The following CEP85 variants were observed in gnomAD, a reference collection of about 807,000 sequenced individuals.
CEP85 encodes the protein centrosomal protein 85, also known as centrosomal protein of 85 kDa.
Under a neutral mutation model 93.7 loss-of-function variants are expected in CEP85, and 58 were observed. The observed-to-expected ratio is 0.62, with a 90% CI of 0.50 to 0.77. CEP85 has a LOEUF of 0.77. Ranked by LOEUF, CEP85 falls within the 30% of genes least tolerant of loss-of-function variation. CEP85 has a pLI of 0.00. For synonymous variants in CEP85, 314 were observed against 338.6 expected (o/e 0.93, Z 0.80); for missense variants, 868 against 922.0 (o/e 0.94, Z 0.76).
At chr1:26,272,320 G>C (rs926569484) in intron 11 of CEP85, 16 of 489,736 alleles carry the variant, frequency 3.3e-5, no homozygotes, top group Non-Finnish European at 5.1e-5. Flanking sequence ...GGGAGGAAGG[G>C]AGGTAAAAGA....
At chr1:26,277,030 C>A in intron 13 of CEP85, 106 bp from the exon 14 acceptor site, 1 of 1,201,848 alleles carries the variant, frequency 8.3e-7, no homozygotes. Flanking sequence ...TTTTAAAGTG[C>A]ATGTCCCAAG....
chr1:26,270,066 G>A (rs189920340), intron 9 of CEP85, among the ~76,000 whole-genome samples: 60 of 152,150 alleles, frequency 3.9e-4, no homozygotes, highest in African/African-American at 1.3e-3. Context: ...GTGAGCCACC[G>A]CGCCCGGCCA....
Position 26,255,149 on chromosome 1 carries a change from T to G in CEP85, c.209-22T>G, listed in dbSNP as rs758690112. 3 of 1,595,990 alleles carry G rather than the reference T, an allele frequency of 1.9e-6. No individual in the cohort carries two copies. In the African/African-American group the frequency reaches 4.0e-5, roughly 21 times the overall value. ...AGCTTGCTACTTCAATTTTTACTTA[T>G]GGAAGACTATTCTCTCCCCAGATTT... is the stretch of plus-strand genomic sequence containing the variant. On this transcript the variant is annotated intron_variant, in intron 3 of 13. Transcript: ENST00000451429.
chr1:26,262,965 G>A (rs1024353700), intron 7 of CEP85: 1 of 153,104 alleles, frequency 6.5e-6, no homozygotes, highest in Non-Finnish European at 1.5e-5. Context: ...TTAAACTCCT[G>A]GCCTCAGGTG....
At chr1:26,266,251 G>A (rs2089893508) in intron 7 of CEP85, among the ~76,000 whole-genome samples, 1 of 152,106 alleles carries the variant, frequency 6.6e-6, no homozygotes, top group East Asian at 1.9e-4. Context: ...AGCTGGGCAT[G>A]GTGGTACACG....
In CEP85 at chr1:26,272,683, C is replaced by CA. The variant is rs538045461; in HGVS notation, c.1794+614dup. On this transcript the variant is annotated intron_variant, in intron 11 of 13. Coordinates refer to ENST00000451429, the MANE Select transcript of CEP85 (RefSeq NM_001319944.2). ...CGCTCTTGTCGCCCAGGCTGGAGTG[C>CA]AATGGCGCAATCTCGGCTCACTGTA... Among the ~76,000 whole-genome samples, 143 of 130,444 alleles carry CA rather than the reference C, an allele frequency of 1.1e-3. 1 individual carries two copies. Among genetic ancestry groups the CA allele is most frequent in the South Asian group, 0.01 (43 of 4,104 alleles). The allele number at this position is 130,444 out of a possible 152,430, so 85.6% of individuals were successfully genotyped here. A position where few individuals can be genotyped will look rare whatever the true frequency, so the allele number is the denominator to read the frequency against.
intron 1 of CEP85, among the ~76,000 whole-genome samples, chr1:26,238,202 C>CTGTTTTT (rs759634019): frequency 2.3e-5 from 2 of 88,294 alleles, no homozygotes; most frequent in African/African-American, 9.0e-5. Context: ...GTCCCAAACT[C>CTGTTTTT]TTTTTTTTTT....
chr1:26,275,289 T>TG (rs2090037866), intron 12 of CEP85, among the ~76,000 whole-genome samples: 2 of 151,842 alleles, frequency 1.3e-5, no homozygotes, highest in South Asian at 2.1e-4. Context: ...GAAGGTTTTT[T>TG]TTTTTTTTTT....
intron 1 of CEP85, among the ~76,000 whole-genome samples, chr1:26,239,145 T>G (rs1172671673): frequency 6.6e-6 from 1 of 152,156 alleles, no homozygotes; most frequent in Non-Finnish European, 1.5e-5. Context: ...ATTTTTAAAT[T>G]TTATAAAAAT....
At chr1:26,257,821 C>A in intron 5 of CEP85, 91 bp downstream of exon 5, 1 of 1,436,374 alleles carries the variant, frequency 7.0e-7, no homozygotes, top group Non-Finnish European at 9.6e-7. Context: ...CAAAGCATTC[C>A]TCCTCTGTTT....
At chr1:26,265,832 G>T (rs1367148613) in intron 7 of CEP85, among the ~76,000 whole-genome samples, 1 of 151,344 alleles carries the variant, frequency 6.6e-6, no homozygotes, top group African/African-American at 2.4e-5. Flanking sequence ...CTTAATCCTG[G>T]TACTTTGGGA....
At chr1:26,241,327 C>T (rs935523436) in intron 2 of CEP85, among the ~76,000 whole-genome samples, 1 of 147,120 alleles carries the variant, frequency 6.8e-6, no homozygotes, top group East Asian at 2.0e-4. Flanking sequence ...ACTACAAGCT[C>T]CGCTTCCCGG....
intron 12 of CEP85, among the ~76,000 whole-genome samples, 188 bp downstream of exon 12, chr1:26,275,259 T>C (rs1570052482): frequency 6.6e-6 from 1 of 151,598 alleles, no homozygotes; most frequent in South Asian, 2.1e-4. Flanking sequence ...TGTTTTAGCA[T>C]GTCCATAATT....
chr1:26,275,219 C>T (rs2090036459), intron 12 of CEP85, 148 bp downstream of exon 12: 3 of 595,934 alleles, frequency 5.0e-6, no homozygotes, highest in Non-Finnish European at 6.0e-6. Flanking sequence ...AGGTGCATTG[C>T]ATCATTCTTT....
At chr1:26,243,437 C>G (rs2089458987) in intron 2 of CEP85, among the ~76,000 whole-genome samples, 1 of 152,066 alleles carries the variant, frequency 6.6e-6, no homozygotes, top group African/African-American at 2.4e-5. Context: ...CATTGAGAAA[C>G]TGTAAGAAAG....
chr1:26,257,035 AT>A (rs1437924511), intron 4 of CEP85, among the ~76,000 whole-genome samples: 3 of 150,118 alleles, frequency 2.0e-5, no homozygotes, highest in Non-Finnish European at 1.5e-5. Flanking sequence ...GGTTCAAGCA[AT>A]TTTCCTGCCT....
At chr1:26,239,291 A>C (rs974337874) in intron 1 of CEP85, among the ~76,000 whole-genome samples, 2 of 152,246 alleles carry the variant, frequency 1.3e-5, no homozygotes, top group African/African-American at 4.8e-5. Flanking sequence ...GAAGTAAAAC[A>C]TGTAAAAACA....
At chr1:26,234,635 C>A (rs923610651) in intron 1 of CEP85, among the ~76,000 whole-genome samples, 3 of 152,200 alleles carry the variant, frequency 2.0e-5, no homozygotes, top group Non-Finnish European at 4.4e-5. Flanking sequence ...CCCTGGGAGT[C>A]GACGTTAAGC....
chr1:26,253,299 T>A (rs1050410306), intron 3 of CEP85, among the ~76,000 whole-genome samples: 1 of 152,152 alleles, frequency 6.6e-6, no homozygotes, highest in Non-Finnish European at 1.5e-5. Context: ...ACATACTCCA[T>A]TGTTTTCCAC....
Sources: gnomAD v4.1 joint callset for allele counts (sites outside exome capture counted in the v4.1 genomes callset) on GRCh38, gnomAD v4.1.1 for gene constraint, MANE v1.5 for transcripts, NCBI Gene and HGNC (gene_info 2026-07-23, HGNC 2026-07-21) for gene names.